CDH17: variants seen among roughly 807,000 people sequenced by gnomAD.
CDH17 encodes the protein cadherin 17.
In CDH17, 67 loss-of-function variants were observed where a neutral mutation model predicts 86.3. The observed-to-expected ratio is 0.78, with a 90% CI of 0.64 to 0.95. CDH17 has a LOEUF of 0.95. Among genes scored for constraint, CDH17 ranks in the 40% least tolerant of loss-of-function variants. CDH17 has a pLI of 0.00. For missense variants in CDH17, 993 were observed against 1,017.6 expected (o/e 0.98, Z 0.33); for synonymous variants, 367 against 366.4 (o/e 1.00, Z -0.02).
chr8:94,178,507 TA>T (rs1813417113), intron 3 of CDH17, among the ~76,000 whole-genome samples: 2 of 152,094 alleles, frequency 1.3e-5, no homozygotes, highest in Admixed American at 1.3e-4. Context: ...TTCAAACAAG[TA>T]CATGCTTATA....
intron 15 of CDH17, among the ~76,000 whole-genome samples, chr8:94,141,433 C>T (rs1812636778): frequency 6.6e-6 from 1 of 152,096 alleles, no homozygotes; most frequent in Admixed American, 6.6e-5. Context: ...CTCTTACTAC[C>T]TCTATTTGAC....
At position 94,154,394 on chromosome 8, in the gene CDH17, T is replaced by C. The variant is rs559748996; in HGVS notation, c.1552-2282A>G. On this transcript the variant is annotated intron_variant, in intron 12 of 17. Coordinates refer to ENST00000027335, the MANE Select transcript of CDH17 (RefSeq NM_004063.4). ...TCCCAAGACATTCTCAGGTGACAGC[T>C]TGAGAAATGCTTACATAGAGATTTC... 2.0e-5 allele frequency among the ~76,000 whole-genome samples: 3 copies of C among 152,324 alleles called. No individual in the cohort carries two copies. The South Asian group carries it at 6.2e-4, about 32-fold the overall frequency.
intron 1 of CDH17, among the ~76,000 whole-genome samples, chr8:94,214,322 G>T (rs1473531888): frequency 1.3e-5 from 2 of 152,062 alleles, no homozygotes; most frequent in Non-Finnish European, 2.9e-5. Context: ...TTATTAAATG[G>T]TCCCCCTTCT....
At chr8:94,129,391 T>C (rs1229288383) in intron 17 of CDH17, among the ~76,000 whole-genome samples, 1 of 152,056 alleles carries the variant, frequency 6.6e-6, no homozygotes, top group Admixed American at 6.6e-5. Flanking sequence ...GGATGGGAAG[T>C]GGCCATGACA....
At chr8:94,129,235 G>A (rs1434205061) in intron 17 of CDH17, among the ~76,000 whole-genome samples, 1 of 152,142 alleles carries the variant, frequency 6.6e-6, no homozygotes, top group Non-Finnish European at 1.5e-5. Context: ...TTCAAGGTGG[G>A]AGGGCAAATA....
At chr8:94,194,460 A>T (rs541865306) in intron 2 of CDH17, among the ~76,000 whole-genome samples, 175 bp downstream of exon 2, 1 of 152,368 alleles carries the variant, frequency 6.6e-6, no homozygotes, top group East Asian at 1.9e-4. Context: ...ATTTGTAGCC[A>T]TTTCATCGAA....
At chr8:94,162,883 T>C (rs1421199042) in intron 10 of CDH17, among the ~76,000 whole-genome samples, 3 of 152,128 alleles carry the variant, frequency 2.0e-5, no homozygotes, top group African/African-American at 7.2e-5. Context: ...GAACAAGAGA[T>C]AAAATGACAG....
At chr8:94,132,729 G>A (rs1420966978) in intron 15 of CDH17, among the ~76,000 whole-genome samples, 1 of 152,150 alleles carries the variant, frequency 6.6e-6, no homozygotes, top group African/African-American at 2.4e-5. Flanking sequence ...TTTTAGTCAT[G>A]AAGTCCTTGC....
intron 15 of CDH17, among the ~76,000 whole-genome samples, chr8:94,140,493 A>G (rs917129462): frequency 2.0e-5 from 3 of 152,172 alleles, no homozygotes; most frequent in East Asian, 1.9e-4. Flanking sequence ...TGTTTAACAA[A>G]AAGATCTCAA....
Position 94,176,678 on chromosome 8 carries a change from A to G in CDH17, c.287T>C (p.Val96Ala), listed in dbSNP as rs150728965. 1.3e-4 allele frequency: 211 copies of G among 1,609,902 alleles called. 1 individual carries two copies. Among genetic ancestry groups the G allele is most frequent in the Non-Finnish European group, 1.8e-4 (208 of 1,178,602 alleles). Residue 96 changes from valine to alanine, a missense_variant and splice_region_variant, in exon 5 of 18, where the codon GTT becomes GCT. Coordinates refer to ENST00000027335, the MANE Select transcript of CDH17 (RefSeq NM_004063.4). ...AATTCCATTAGCGTCCAGGGCTGCA[A>G]CCTGATGTTGAGGAAAAGGAAACCA... The part of the protein sequence containing the change: ...RETRSTHNLQ[V>A]AALDANGIIV...
Position 94,194,698 on chromosome 8 carries a change from T to C in CDH17, c.-13A>G, listed in dbSNP as rs1344625632. The C allele has an allele frequency of 1.0e-5, 16 of 1,585,136 alleles. No homozygotes were observed. The highest frequency in any genetic ancestry group is 1.1e-5 in the South Asian group (1 of 88,370). On this transcript the variant is annotated 5_prime_UTR_variant, in exon 2 of 18. Coordinates refer to ENST00000027335, the MANE Select transcript of CDH17 (RefSeq NM_004063.4). ...CCTGAAGTATCATAGTTTTCTTTAT[T>C]CAAATTCCTGTGAAGGAACCAGATA... is the stretch of plus-strand genomic sequence containing the variant.
At chr8:94,174,576 A>G (rs1280616684) in intron 5 of CDH17, among the ~76,000 whole-genome samples, 1 of 152,228 alleles carries the variant, frequency 6.6e-6, no homozygotes, top group African/African-American at 2.4e-5. Context: ...AATGGAAAAT[A>G]TGGTATTAAT....
chr8:94,165,992 G>C lies in CDH17; in HGVS notation c.1067-16C>G, dbSNP rs774583398. 1.3e-6 allele frequency: 2 copies of C among 1,526,460 alleles called. No homozygotes were observed. Among genetic ancestry groups the C allele is most frequent in the South Asian group, 2.2e-5 (2 of 88,914 alleles). The allele number at this position is 1,526,460 out of a possible 1,614,324, so 94.6% of individuals were successfully genotyped here. On this transcript the variant is annotated splice_polypyrimidine_tract_variant and intron_variant, in intron 9 of 17. Transcript: ENST00000027335. ...ATACTGTTACCTATGAGGAAGGAAA[G>C]AAGGAAAACCCACCATTACAGGCTC... is the stretch of plus-strand genomic sequence containing the variant.
Position 94,189,436 on chromosome 8 carries a change from G to T in CDH17, c.52-151C>A, listed in dbSNP as rs998667851. 6.5e-6 allele frequency: 4 copies of T among 612,634 alleles called. No individual in the cohort carries two copies. In the East Asian group the frequency reaches 1.1e-4, roughly 18 times the overall value. 37.9% of individuals were successfully genotyped at this position (612,634 alleles called of 1,614,324 possible). A position where few individuals can be genotyped will look rare whatever the true frequency, so the allele number is the denominator to read the frequency against. On this transcript the variant is annotated intron_variant, in intron 2 of 17. Coordinates refer to ENST00000027335, the MANE Select transcript of CDH17 (RefSeq NM_004063.4). ...AACAGGAAAGAGTGTAATAGCTGTT[G>T]AAGCTCTACCACGTCAAAGTAGCTT... is the stretch of plus-strand genomic sequence containing the variant.
At chr8:94,189,762 G>C (rs1392944212) in intron 2 of CDH17, among the ~76,000 whole-genome samples, 1 of 152,180 alleles carries the variant, frequency 6.6e-6, no homozygotes, top group Non-Finnish European at 1.5e-5. Flanking sequence ...TTATAAGGGG[G>C]AGAAAGAAAA....
chr8:94,146,440 C>A (rs2130593069), intron 14 of CDH17, among the ~76,000 whole-genome samples: 1 of 152,318 alleles, frequency 6.6e-6, no homozygotes, highest in Admixed American at 6.5e-5. Flanking sequence ...TTGCCCAAGG[C>A]AGAGAGGTTT....
chr8:94,160,649 ACTT>A (rs1813034358), intron 11 of CDH17, among the ~76,000 whole-genome samples: 1 of 152,204 alleles, frequency 6.6e-6, no homozygotes, highest in Non-Finnish European at 1.5e-5. Context: ...AAGTTACTTC[ACTT>A]CTTTAAGTGT....
Position 94,188,455 on chromosome 8 carries a change from C to T in CDH17, c.150+732G>A, listed in dbSNP as rs375989351. 1.4e-3 allele frequency among the ~76,000 whole-genome samples: 218 copies of T among 152,106 alleles called. 2 individuals are homozygous for T. The highest frequency in any genetic ancestry group is 4.8e-3 in the African/African-American group (199 of 41,488). On this transcript the variant is annotated intron_variant, in intron 3 of 17. Coordinates refer to ENST00000027335, the MANE Select transcript of CDH17 (RefSeq NM_004063.4). ...TCTGCCACTTCCCTGGTTCAGGGGA[C>T]GGGGAGGGGTCACGGGCACCCCCAA...
At chr8:94,138,379 C>A (rs1304081408) in intron 15 of CDH17, among the ~76,000 whole-genome samples, 1 of 152,050 alleles carries the variant, frequency 6.6e-6, no homozygotes, top group African/African-American at 2.4e-5. Context: ...AGAAGGAAAG[C>A]AAATGAGGTA....
Sources: gnomAD v4.1 joint callset for allele counts (sites outside exome capture counted in the v4.1 genomes callset) on GRCh38, gnomAD v4.1.1 for gene constraint, MANE v1.5 for transcripts, NCBI Gene and HGNC (gene_info 2026-07-23, HGNC 2026-07-21) for gene names.